SPECC1L: variants seen among roughly 807,000 people sequenced by gnomAD.
SPECC1L encodes the protein cytospin-A.
A neutral mutation model predicts 116.8 loss-of-function variants in SPECC1L; 40 were observed. The ratio of observed to expected loss-of-function variants is 0.34; its 90% CI spans 0.27 to 0.45. The LOEUF is 0.45. Among genes scored for constraint, SPECC1L ranks in the 20% least tolerant of loss-of-function variants. The pLI is 1.00. For synonymous variants in SPECC1L, 504 were observed against 500.6 expected, an observed-to-expected ratio of 1.01 and a Z score of -0.09; for missense variants, 1,110 against 1,373.6, an observed-to-expected ratio of 0.81 and a Z score of 3.03.
intron 2 of SPECC1L, among the ~76,000 whole-genome samples, chr22:24,289,908 C>T (rs376883312): frequency 2.6e-5 from 4 of 152,148 alleles, no homozygotes; most frequent in Admixed American, 6.5e-5. Context: ...CATAGTTAAA[C>T]GACAATGGCA....
chr22:24,332,075 T>C (rs763757629), intron 8 of SPECC1L, among the ~76,000 whole-genome samples: 3 of 152,232 alleles, frequency 2.0e-5, no homozygotes, highest in Admixed American at 6.5e-5. Context: ...TTTTTTTACT[T>C]GAGAATGACA....
At chr22:24,374,471 A>G (rs1433388653) in intron 14 of SPECC1L, among the ~76,000 whole-genome samples, 1 of 152,018 alleles carries the variant, frequency 6.6e-6, no homozygotes, top group African/African-American at 2.4e-5. Flanking sequence ...TGTCCTTTGT[A>G]GGGACACGGA....
At chr22:24,364,791 T>C (rs1311060815) in intron 12 of SPECC1L, among the ~76,000 whole-genome samples, 1 of 152,082 alleles carries the variant, frequency 6.6e-6, no homozygotes, top group Non-Finnish European at 1.5e-5. Context: ...ATTTGAATTG[T>C]GTGTGTTGGG....
chr22:24,295,668 C>T (rs2330755), intron 2 of SPECC1L, among the ~76,000 whole-genome samples: 68 of 152,134 alleles, frequency 4.5e-4, no homozygotes, highest in African/African-American at 1.4e-3. Flanking sequence ...AATACCAGCA[C>T]GGGCCCGGCG....
At chr22:24,400,111 A>G (rs1024842294) in intron 14 of SPECC1L, among the ~76,000 whole-genome samples, 3 of 152,196 alleles carry the variant, frequency 2.0e-5, no homozygotes, top group African/African-American at 7.2e-5. Context: ...TTACCATTTG[A>G]TCATTTTTAA....
chr22:24,304,679 TC>T (rs2049453725), intron 3 of SPECC1L, among the ~76,000 whole-genome samples: 1 of 152,250 alleles, frequency 6.6e-6, no homozygotes, highest in African/African-American at 2.4e-5. Context: ...GATAATTTTT[TC>T]TAAAAATTAC....
At chr22:24,402,675 G>C (rs1276463540) in intron 14 of SPECC1L, among the ~76,000 whole-genome samples, 1 of 152,204 alleles carries the variant, frequency 6.6e-6, no homozygotes, top group Non-Finnish European at 1.5e-5. Context: ...GCACGGCTCA[G>C]ACAGGCATGA....
In SPECC1L at chr22:24,334,474, T is replaced by G. The variant is rs749780102; in HGVS notation, c.2461T>G (p.Leu821Val). The change falls in exon 9 of 17, where the codon TTA (leucine) becomes GTA (valine). Residue 821 changes from leucine (L) to valine (V), a missense_variant. Leu to Val is a conservative substitution (Grantham distance 32). Transcript: ENST00000314328. Reference protein sequence around the residue: ...MNAVERDLAALRQGMGLSRRS... With the variant: ...MNAVERDLAAVRQGMGLSRRS... ...TGCCGTTGAGAGAGATTTGGCAGCC[T>G]TAAGGCAGGGAATGGGACTGAGTAG... 2.5e-6 allele frequency: 4 copies of G among 1,614,036 alleles called. No homozygotes were observed. In the East Asian group the frequency reaches 6.7e-5, roughly 27 times the overall value.
intron 14 of SPECC1L, among the ~76,000 whole-genome samples, chr22:24,384,765 T>G (rs1433390689): frequency 6.6e-6 from 1 of 152,156 alleles, no homozygotes; most frequent in East Asian, 1.9e-4. Context: ...TTGAAGACTT[T>G]GAAGACTTAA....
chr22:24,276,415 G>A (rs937142856), intron 1 of SPECC1L, among the ~76,000 whole-genome samples: 27 of 152,154 alleles, frequency 1.8e-4, no homozygotes, highest in African/African-American at 4.3e-4. Flanking sequence ...CCTGGGCTAC[G>A]AAGCGAGACT....
chr22:24,396,196 A>G (rs1056744840), intron 14 of SPECC1L, among the ~76,000 whole-genome samples: 2 of 152,154 alleles, frequency 1.3e-5, no homozygotes, highest in Non-Finnish European at 2.9e-5. Context: ...TGAAATACAT[A>G]TTTGACACTT....
At chr22:24,385,312 G>A (rs2042141283) in intron 14 of SPECC1L, among the ~76,000 whole-genome samples, 1 of 152,070 alleles carries the variant, frequency 6.6e-6, no homozygotes, top group African/African-American at 2.4e-5. Context: ...GGAAAGGAGA[G>A]AAAAGGAACA....
chr22:24,324,161 G>A, intron 5 of SPECC1L, 59 bp from the exon 6 acceptor site: 1 of 1,435,016 alleles, frequency 7.0e-7, no homozygotes, highest in Admixed American at 1.7e-5. Context: ...CCTCAATTCT[G>A]GAACGTACCT....
Position 24,345,864 on chromosome 22 carries a change from G to A in SPECC1L, c.2653-1222G>A, listed in dbSNP as rs144439283. Among the ~76,000 whole-genome samples the A allele has an allele frequency of 7.6e-4, 116 of 152,298 alleles. 2 individuals carry two copies. The highest frequency in any genetic ancestry group is 2.5e-3 in the Admixed American group (38 of 15,304). ...ATAAAAAGGGCTGGGCGAAATCTGTGGGAGTGAAGCACAAGAAAAACATAG... is the reference window on the plus strand; with the variant it reads ...ATAAAAAGGGCTGGGCGAAATCTGTAGGAGTGAAGCACAAGAAAAACATAG... On this transcript the variant is annotated intron_variant, in intron 10 of 16. Coordinates refer to ENST00000314328, the MANE Select transcript of SPECC1L (RefSeq NM_015330.6).
At chr22:24,317,765 C>T (rs533561064) in intron 4 of SPECC1L, among the ~76,000 whole-genome samples, 192 of 147,460 alleles carry the variant, frequency 1.3e-3, no homozygotes, top group African/African-American at 3.6e-3. Context: ...ACTTCTCAGA[C>T]GGGGCGGCTG....
At chr22:24,363,754 A>T (rs1022276642) in intron 12 of SPECC1L, among the ~76,000 whole-genome samples, 1 of 152,190 alleles carries the variant, frequency 6.6e-6, no homozygotes, top group Non-Finnish European at 1.5e-5. Context: ...TAATTATAAA[A>T]TTATGCTAGA....
In SPECC1L at chr22:24,362,455, C is replaced by T. The variant is rs571447800; in HGVS notation, c.2744-806C>T. Among the ~76,000 whole-genome samples, 8 of 152,176 alleles carry T rather than the reference C, an allele frequency of 5.3e-5. No individual in the cohort carries two copies. In the South Asian group the frequency reaches 1.5e-3, roughly 28 times the overall value. On this transcript the variant is annotated intron_variant, in intron 11 of 16. Transcript: ENST00000314328. ...AGGTGAGGCTGAAAATGGAGATGGT[C>T]GAAGCAATATCTGATTGTGTCCTTC...
At chr22:24,333,928 G>A (rs1178818985) in intron 8 of SPECC1L, among the ~76,000 whole-genome samples, 1 of 151,404 alleles carries the variant, frequency 6.6e-6, no homozygotes, top group Non-Finnish European at 1.5e-5. Context: ...TCATTTCCTG[G>A]TATTTACCAA....
intron 2 of SPECC1L, among the ~76,000 whole-genome samples, chr22:24,288,615 C>CATTTTTTTTTTTTTTTTT (rs1569405170): frequency 1.6e-5 from 1 of 61,674 alleles, no homozygotes. Context: ...AAATTTTAAG[C>CATTTTTTTTTTTTTTTTT]TTTTTTTTTT....
Sources: gnomAD v4.1 joint callset for allele counts (sites outside exome capture counted in the v4.1 genomes callset) on GRCh38, gnomAD v4.1.1 for gene constraint, MANE v1.5 for transcripts, NCBI Gene and HGNC (gene_info 2026-07-23, HGNC 2026-07-21) for gene names.